Variants in ZMYM4 observed in about 807,000 individuals in gnomAD.
ZMYM4 encodes zinc finger MYM-type containing 4.
ZMYM4 carries 31 observed loss-of-function variants against 183.2 expected under a neutral mutation model. That is an observed-to-expected ratio of 0.17 (90% confidence interval 0.13 to 0.23). ZMYM4 has a LOEUF of 0.23. Among genes scored for constraint, ZMYM4 ranks in the 10% least tolerant of loss-of-function variants. ZMYM4 has a pLI of 1.00. For synonymous variants in ZMYM4, 592 were observed against 631.2 expected (o/e 0.94, Z 0.93); for missense variants, 1,273 against 1,840.3 (o/e 0.69, Z 5.64).
intron 1 of ZMYM4, among the ~76,000 whole-genome samples, chr1:35,296,843 C>CTTTTTTT (rs780202714): frequency 9.5e-4 from 91 of 95,542 alleles, no homozygotes; most frequent in Non-Finnish European, 1.4e-3. Context: ...TTCTTTCTTT[C>CTTTTTTT]TTTTTTTTTT....
intron 1 of ZMYM4, among the ~76,000 whole-genome samples, chr1:35,319,353 G>A (rs1642190202): frequency 6.6e-6 from 1 of 152,122 alleles, no homozygotes; most frequent in Non-Finnish European, 1.5e-5. Flanking sequence ...GCTGGGTGTG[G>A]TGGCTCATGC....
intron 1 of ZMYM4, among the ~76,000 whole-genome samples, chr1:35,300,335 T>C (rs1641224667): frequency 6.6e-6 from 1 of 152,204 alleles, no homozygotes; most frequent in African/African-American, 2.4e-5. Context: ...GTAATACCAT[T>C]TTCCCCCAGC....
intron 23 of ZMYM4, among the ~76,000 whole-genome samples, chr1:35,400,496 C>T (rs550616920): frequency 1.8e-4 from 28 of 152,058 alleles, no homozygotes; most frequent in East Asian, 1.6e-3. Context: ...TGAGCCACCG[C>T]GCCCGGCCAG....
At chr1:35,386,438 G>A (rs1308043194) in intron 11 of ZMYM4, among the ~76,000 whole-genome samples, 1 of 152,118 alleles carries the variant, frequency 6.6e-6, no homozygotes, top group Non-Finnish European at 1.5e-5. Flanking sequence ...AGAGAGAGAA[G>A]CGGGAGGTGC....
chr1:35,284,070 G>A (rs977816363), intron 1 of ZMYM4, among the ~76,000 whole-genome samples: 1 of 151,516 alleles, frequency 6.6e-6, no homozygotes, highest in Non-Finnish European at 1.5e-5. Flanking sequence ...TCCGCTTCCC[G>A]GGTTCACGCC....
rs1196957049 is a variant in ZMYM4, at chr1:35,419,928, G to T, written c.*251G>T. 3 of 470,136 alleles carry T rather than the reference G, an allele frequency of 6.4e-6. No individual in the cohort carries two copies. The highest frequency in any genetic ancestry group is 2.4e-5 in the South Asian group (1 of 42,346). The allele number at this position is 470,136 out of a possible 1,614,324, so 29.1% of individuals were successfully genotyped here. On this transcript the variant is annotated 3_prime_UTR_variant, in exon 30 of 30. Coordinates refer to ENST00000314607, the MANE Select transcript of ZMYM4 (RefSeq NM_005095.3). The stretch of plus-strand genomic sequence containing the variant: ...TTCAGAATGACTAATTTCTCCGAGT[G>T]GTGCATAATCTTATTTTGTTTGGGA...
At chr1:35,388,664 G>A (rs974556271) in intron 13 of ZMYM4, among the ~76,000 whole-genome samples, 12 of 152,132 alleles carry the variant, frequency 7.9e-5, no homozygotes, top group African/African-American at 2.9e-4. Flanking sequence ...CAGGACCCAA[G>A]TGTGAAAACT....
chr1:35,325,260 T>C (rs1642458240), intron 1 of ZMYM4, 100 bp from the exon 2 acceptor site: 1 of 1,119,430 alleles, frequency 8.9e-7, no homozygotes, highest in African/African-American at 1.6e-5. Context: ...GTCATTTGGG[T>C]TGAAAATTAC....
chr1:35,400,774 G>A (rs570602760), intron 23 of ZMYM4, among the ~76,000 whole-genome samples: 95 of 152,240 alleles, frequency 6.2e-4, no homozygotes, highest in African/African-American at 2.2e-3. Flanking sequence ...AGCCCCTCTG[G>A]CTGCTGACAA....
At chr1:35,288,577 C>T (rs925835511) in intron 1 of ZMYM4, among the ~76,000 whole-genome samples, 2 of 152,162 alleles carry the variant, frequency 1.3e-5, no homozygotes, top group Non-Finnish European at 2.9e-5. Context: ...ACAGCTGAGA[C>T]CAGGCTGTGA....
intron 2 of ZMYM4, among the ~76,000 whole-genome samples, chr1:35,355,473 T>G (rs1034811429): frequency 7.9e-5 from 12 of 152,274 alleles, no homozygotes; most frequent in African/African-American, 2.9e-4. Context: ...AATATTTGTT[T>G]GAGCCCTTTG....
At position 35,408,067 on chromosome 1, in the gene ZMYM4, G is replaced by A; in HGVS notation, c.3856G>A (p.Gly1286Ser). Residue 1286 changes from glycine (G) to serine (S), a missense_variant, in exon 26 of 30, where the codon GGC becomes AGC. By Grantham distance (56) the Gly-to-Ser change is moderately conservative (BLOSUM62 0). Around this residue, in one of 6 missense-constraint regions of ZMYM4, gnomAD observed 145 missense variants for 331.6 expected, o/e 0.44. Transcript: ENST00000314607. Reference sequence around the variant, plus strand: ...CTGCACTTTTGCTGAGTTGAGTTTGGGCTTATGCCAGTTTATCCAAGAGGT... The same window carrying A: ...CTGCACTTTTGCTGAGTTGAGTTTGAGCTTATGCCAGTTTATCCAAGAGGT... Reference protein sequence around the residue: ...LSCTFAELSLGLCQFIQEVRR... With the variant: ...LSCTFAELSLSLCQFIQEVRR... 6.2e-7 allele frequency: 1 copy of A among 1,614,198 alleles called. No individual in the cohort carries two copies. Among genetic ancestry groups the A allele is most frequent in the Non-Finnish European group, 8.5e-7 (1 of 1,180,036 alleles).
intron 1 of ZMYM4, among the ~76,000 whole-genome samples, chr1:35,279,144 C>T (rs745963000): frequency 2.0e-4 from 30 of 152,112 alleles, no homozygotes; most frequent in Admixed American, 1.4e-3. Context: ...CTATGCTGCT[C>T]GCCTTCAGTC....
Position 35,419,626 on chromosome 1 carries a change from A to G in ZMYM4, c.4596A>G (p.Glu1532=). Residue 1532 remains glutamate, a synonymous_variant, in exon 30 of 30, where the codon GAA becomes GAG. Coordinates refer to ENST00000314607, the MANE Select transcript of ZMYM4 (RefSeq NM_005095.3). ...TRILMVREVH[E]ELAKAKSEDS... ...TTCTCATGGTGAGGGAGGTACATGA[A>G]GAACTTGCCAAAGCCAAATCTGAAG... 6.2e-7 allele frequency: 1 copy of G among 1,614,196 alleles called. No individual in the cohort carries two copies. Among genetic ancestry groups the G allele is most frequent in the Admixed American group, 1.7e-5 (1 of 60,022 alleles).
intron 1 of ZMYM4, among the ~76,000 whole-genome samples, chr1:35,297,868 A>T (rs1570284904): frequency 6.6e-6 from 1 of 152,216 alleles, no homozygotes; most frequent in Admixed American, 6.6e-5. Context: ...GTCTCCTATG[A>T]CCACTGCCAC....
At chr1:35,360,943 A>ATTTT (rs558784834) in intron 3 of ZMYM4, among the ~76,000 whole-genome samples, 33 of 138,178 alleles carry the variant, frequency 2.4e-4, no homozygotes, top group African/African-American at 8.7e-4. Context: ...AGCAAAAATA[A>ATTTT]TTTTTTTTTT....
chr1:35,374,299 G>A (rs1644286380), intron 7 of ZMYM4, among the ~76,000 whole-genome samples: 1 of 151,998 alleles, frequency 6.6e-6, no homozygotes, highest in African/African-American at 2.4e-5. Context: ...CTCCCAAAGT[G>A]CTGGGATTAC....
Position 35,359,099 on chromosome 1 carries a change from G to T in ZMYM4, c.260G>T (p.Ser87Ile), listed in dbSNP as rs1050447693. 6.2e-7 allele frequency: 1 copy of T among 1,613,804 alleles called. No individual in the cohort carries two copies. Among genetic ancestry groups the T allele is most frequent in the Non-Finnish European group, 8.5e-7 (1 of 1,179,764 alleles). ...GDLAGIPVVGSDNEDEQDFSS... is the reference protein window; with the variant it reads ...GDLAGIPVVGIDNEDEQDFSS... The stretch of plus-strand genomic sequence containing the variant: ...CTTGCAGGAATTCCAGTCGTTGGTA[G>T]TGACAATGAGGATGAACAGGATTTT... Residue 87 changes from serine (S) to isoleucine (I), a missense_variant, in exon 3 of 30, where the codon AGT becomes ATT. Ser to Ile is a moderately radical substitution (Grantham distance 142). Around this residue, in one of 6 missense-constraint regions of ZMYM4, gnomAD observed 384 missense variants for 465.6 expected, o/e 0.82. Coordinates refer to ENST00000314607, the MANE Select transcript of ZMYM4 (RefSeq NM_005095.3).
In ZMYM4 at chr1:35,311,880, CCTTT is replaced by C. The variant is rs1488144036; in HGVS notation, c.40-13475_40-13472del. Among the ~76,000 whole-genome samples, 4 of 151,864 alleles carry C rather than the reference CCTTT, an allele frequency of 2.6e-5. No homozygotes were observed. In the South Asian group the frequency reaches 6.3e-4, roughly 24 times the overall value. On this transcript the variant is annotated intron_variant, in intron 1 of 29. Coordinates refer to ENST00000314607, the MANE Select transcript of ZMYM4 (RefSeq NM_005095.3). Reference sequence around the variant, plus strand: ...TATTATTTCACTTTTGTATGAAGAGCCTTTCTTTTTCTTTTTCCTTTTTTTTCGA... The same window carrying C: ...TATTATTTCACTTTTGTATGAAGAGCCTTTTTCTTTTTCCTTTTTTTTCGA...
Sources: allele counts gnomAD v4.1 joint callset (sites outside exome capture counted in the v4.1 genomes callset), GRCh38; gene constraint gnomAD v4.1.1; regional missense constraint gnomAD v4.1.1; transcripts MANE v1.5; gene names NCBI Gene and HGNC (gene_info 2026-07-23, HGNC 2026-07-21).